The following PTPRD variants were observed in gnomAD, a reference collection of about 807,000 sequenced individuals.
PTPRD encodes receptor-type tyrosine-protein phosphatase delta.
In PTPRD, 34 loss-of-function variants were observed where a neutral mutation model predicts 214.5. The ratio of observed to expected loss-of-function variants is 0.16; its 90% CI spans 0.12 to 0.21. The LOEUF (loss-of-function observed/expected upper bound fraction) is 0.21. PTPRD is among the 10% of genes least tolerant of loss of function. The pLI is 1.00. For missense variants in PTPRD, 2,545 were observed against 2,398.7 expected, an observed-to-expected ratio of 1.06 and a Z score of -1.27; for synonymous variants, 1,128 against 845.7, an observed-to-expected ratio of 1.33 and a Z score of -5.79.
Position 8,404,607 on chromosome 9 carries a change from G to C in PTPRD, c.4140C>G (p.Asn1380Lys). ...FTWEHSNLEV[N>K]KPKNRYANVI... ...CATTCGCGTATCTATTCTTTGGTTT[G>C]TTTACTTCCAAGTTTGAATGTTCCC... Residue 1380 changes from asparagine (N) to lysine (K), a missense_variant, in exon 36 of 46, where the codon AAC (asparagine) becomes AAG (lysine). Coordinates refer to ENST00000381196, the MANE Select transcript of PTPRD (RefSeq NM_002839.4). 6.2e-7 allele frequency: 1 copy of C among 1,613,360 alleles called. No individual in the cohort carries two copies. The highest frequency in any genetic ancestry group is 8.5e-7 in the Non-Finnish European group (1 of 1,179,506).
At chr9:10,544,710 T>A (rs2059836935) in intron 2 of PTPRD, among the ~76,000 whole-genome samples, 2 of 152,180 alleles carry the variant, frequency 1.3e-5, no homozygotes, top group South Asian at 4.1e-4. Flanking sequence ...CATCCTCTTT[T>A]TGAAAAGTAG....
intron 39 of PTPRD, among the ~76,000 whole-genome samples, chr9:8,360,098 ATGACGAG>A (rs2078094989): frequency 6.6e-6 from 1 of 152,210 alleles, no homozygotes; most frequent in Admixed American, 6.5e-5. Flanking sequence ...CTTAGATAAA[ATGACGAG>A]ATATAGTTAC....
At position 9,928,947 on chromosome 9, in the gene PTPRD, T is replaced by C. The variant is rs550437904; in HGVS notation, c.-368+9560A>G. On this transcript the variant is annotated intron_variant, in intron 5 of 45. Coordinates refer to ENST00000381196, the MANE Select transcript of PTPRD (RefSeq NM_002839.4). Reference sequence around the variant, plus strand: ...AATATTTGTAAAAGGCTTTCACAAATACAGTAGTTGATTTATAAAATAGAG... The same window carrying C: ...AATATTTGTAAAAGGCTTTCACAAACACAGTAGTTGATTTATAAAATAGAG... Among the ~76,000 whole-genome samples the C allele has an allele frequency of 3.3e-5, 5 of 152,322 alleles. No individual in the cohort carries two copies. The South Asian group carries it at 8.3e-4, about 25-fold the overall frequency.
At chr9:8,916,362 T>C (rs1302005981) in intron 11 of PTPRD, among the ~76,000 whole-genome samples, 1 of 152,152 alleles carries the variant, frequency 6.6e-6, no homozygotes, top group African/African-American at 2.4e-5. Context: ...AACATGACCC[T>C]GCCAACAAAT....
chr9:9,268,371 G>C (rs1941150284), intron 9 of PTPRD, among the ~76,000 whole-genome samples: 1 of 150,594 alleles, frequency 6.6e-6, no homozygotes. Context: ...AAAAACGCAA[G>C]TATATAAAAA....
chr9:9,941,523 G>A (rs765585960), intron 4 of PTPRD, among the ~76,000 whole-genome samples: 5 of 152,180 alleles, frequency 3.3e-5, no homozygotes, highest in Non-Finnish European at 7.4e-5. Context: ...GAGTTTCGCC[G>A]TATTGGCCAG....
intron 8 of PTPRD, among the ~76,000 whole-genome samples, chr9:9,398,093 TCCTC>T (rs1219782646): frequency 2.6e-5 from 4 of 151,484 alleles, no homozygotes; most frequent in Admixed American, 2.0e-4. Flanking sequence ...CACCTTCCCT[TCCTC>T]CCTCCCTCCC....
chr9:9,099,041 T>C (rs903861773), intron 10 of PTPRD, among the ~76,000 whole-genome samples: 1 of 152,152 alleles, frequency 6.6e-6, no homozygotes, highest in Non-Finnish European at 1.5e-5. Context: ...ACAATATTGA[T>C]TGGAAAAAGC....
At chr9:8,815,735 T>A (rs560145998) in intron 11 of PTPRD, among the ~76,000 whole-genome samples, 1 of 152,154 alleles carries the variant, frequency 6.6e-6, no homozygotes, top group Non-Finnish European at 1.5e-5. Flanking sequence ...CCAACAGTGT[T>A]GATACAATTC....
Position 9,837,701 on chromosome 9 carries a change from C to G in PTPRD, c.-367-70850G>C, listed in dbSNP as rs974197090. Among the ~76,000 whole-genome samples, 25 of 152,198 alleles carry G rather than the reference C, an allele frequency of 1.6e-4. 1 individual carries two copies. Among genetic ancestry groups the G allele is most frequent in the African/African-American group, 6.0e-4 (25 of 41,530 alleles). On this transcript the variant is annotated intron_variant, in intron 5 of 45. Coordinates refer to ENST00000381196, the MANE Select transcript of PTPRD (RefSeq NM_002839.4). Reference sequence around the variant, plus strand: ...TGGCTGTAATAACAGTGGTAGCATCCTAACCAGACTGGTATGACTTTGGCT... The same window carrying G: ...TGGCTGTAATAACAGTGGTAGCATCGTAACCAGACTGGTATGACTTTGGCT...
chr9:9,718,919 G>C (rs1203442742), intron 7 of PTPRD, among the ~76,000 whole-genome samples: 2 of 151,998 alleles, frequency 1.3e-5, no homozygotes, highest in African/African-American at 4.8e-5. Context: ...GGCAGCCGGA[G>C]GCAGACAGGT....
intron 11 of PTPRD, among the ~76,000 whole-genome samples, chr9:8,829,712 A>G (rs2097250891): frequency 6.6e-6 from 1 of 152,166 alleles, no homozygotes; most frequent in African/African-American, 2.4e-5. Context: ...CTCTAGAGAT[A>G]TATTTTGACA....
intron 9 of PTPRD, among the ~76,000 whole-genome samples, chr9:9,347,438 A>G (rs1182014940): frequency 6.6e-6 from 1 of 151,884 alleles, no homozygotes; most frequent in Non-Finnish European, 1.5e-5. Context: ...GTTCCCTTCA[A>G]TGTTACATTG....
At chr9:9,598,621 A>G (rs923362741) in intron 7 of PTPRD, among the ~76,000 whole-genome samples, 1 of 152,108 alleles carries the variant, frequency 6.6e-6, no homozygotes, top group Non-Finnish European at 1.5e-5. Context: ...TAAAACTTCT[A>G]TTTAAAGAAG....
At chr9:8,893,413 CAG>C (rs2098559452) in intron 11 of PTPRD, among the ~76,000 whole-genome samples, 1 of 152,136 alleles carries the variant, frequency 6.6e-6, no homozygotes, top group Non-Finnish European at 1.5e-5. Flanking sequence ...TGTAGAGAAA[CAG>C]AAAGCGAAGT....
chr9:9,552,094 G>A (rs1439499426), intron 8 of PTPRD, among the ~76,000 whole-genome samples: 2 of 152,032 alleles, frequency 1.3e-5, no homozygotes, highest in East Asian at 3.9e-4. Flanking sequence ...TTTCATAATA[G>A]TCAATATTCA....
chr9:9,420,753 A>C (rs897483322), intron 8 of PTPRD, among the ~76,000 whole-genome samples: 2 of 151,990 alleles, frequency 1.3e-5, no homozygotes, highest in African/African-American at 4.8e-5. Flanking sequence ...CTCAATATTT[A>C]TGACATGGAA....
chr9:8,831,729 G>A (rs1343197556), intron 11 of PTPRD, among the ~76,000 whole-genome samples: 1 of 152,112 alleles, frequency 6.6e-6, no homozygotes, highest in African/African-American at 2.4e-5. Flanking sequence ...TTATCATTCT[G>A]AAAATTCTCT....
At chr9:8,600,484 C>T (rs76980394) in intron 14 of PTPRD, among the ~76,000 whole-genome samples, 2,404 of 151,910 alleles carry the variant, frequency 0.016, 31 homozygotes, top group Non-Finnish European at 0.023. Flanking sequence ...CAGCAAAGCT[C>T]ACAGCTCTAA....
Sources: gnomAD v4.1 joint callset for allele counts (sites outside exome capture counted in the v4.1 genomes callset) on GRCh38, gnomAD v4.1.1 for gene constraint, MANE v1.5 for transcripts, NCBI Gene and HGNC (gene_info 2026-07-23, HGNC 2026-07-21) for gene names.